EYS: variants seen among roughly 807,000 people sequenced by gnomAD.
The protein encoded by EYS is protein eyes shut homolog.
Under a neutral mutation model 282.1 loss-of-function variants are expected in EYS, and 250 were observed. The observed-to-expected ratio is 0.89, with a 90% confidence interval of 0.80 to 0.98. The LOEUF is 0.98. EYS is among the 50% of genes least tolerant of loss of function. EYS has a pLI of 0.00. For missense variants in EYS, 4,016 were observed against 3,709.0 expected, an observed-to-expected ratio of 1.08 and a Z score of -2.15; for synonymous variants, 1,355 against 1,282.9, an observed-to-expected ratio of 1.06 and a Z score of -1.20.
intron 19 of EYS, among the ~76,000 whole-genome samples, chr6:64,860,778 G>C (rs1766211503): frequency 2.0e-5 from 3 of 152,200 alleles, no homozygotes; most frequent in Admixed American, 1.3e-4. Context: ...GGAAGAAAGA[G>C]GTAGGTAGAC....
At chr6:64,078,602 C>A (rs2149865876) in intron 32 of EYS, among the ~76,000 whole-genome samples, 1 of 152,096 alleles carries the variant, frequency 6.6e-6, no homozygotes, top group Middle Eastern at 3.4e-3. Flanking sequence ...ATATTTTCTC[C>A]CTTCATGGGC....
At chr6:64,017,700 A>G (rs1768962426) in intron 33 of EYS, among the ~76,000 whole-genome samples, 2 of 152,172 alleles carry the variant, frequency 1.3e-5, no homozygotes, top group Non-Finnish European at 2.9e-5. Context: ...GCCCAGTGAC[A>G]ATTCTATCTG....
At chr6:64,787,381 C>T (rs970636166) in intron 22 of EYS, among the ~76,000 whole-genome samples, 1 of 151,998 alleles carries the variant, frequency 6.6e-6, no homozygotes, top group Non-Finnish European at 1.5e-5. Context: ...AGCATTGTTC[C>T]CTTGACTTAT....
At chr6:63,877,325 C>T (rs548439535) in intron 35 of EYS, among the ~76,000 whole-genome samples, 1 of 152,200 alleles carries the variant, frequency 6.6e-6, no homozygotes, top group South Asian at 2.1e-4. Context: ...TGTAGAGTTT[C>T]TGCTGAGTGA....
At chr6:65,634,897 G>A (rs1456684378) in intron 2 of EYS, among the ~76,000 whole-genome samples, 1 of 152,060 alleles carries the variant, frequency 6.6e-6, no homozygotes, top group Admixed American at 6.5e-5. Context: ...GATAAATTGT[G>A]CCCAACATTA....
At chr6:64,245,078 T>C (rs1766969009) in intron 30 of EYS, among the ~76,000 whole-genome samples, 1 of 150,138 alleles carries the variant, frequency 6.7e-6, no homozygotes, top group Admixed American at 6.7e-5. Flanking sequence ...ACATGCAGTG[T>C]TGGGTTTTCT....
intron 35 of EYS, among the ~76,000 whole-genome samples, chr6:63,947,015 A>G (rs1354066286): frequency 7.9e-5 from 12 of 152,134 alleles, no homozygotes; most frequent in Non-Finnish European, 1.5e-5. Flanking sequence ...CTGTGGTGGA[A>G]TACCAAATAT....
chr6:64,239,870 G>C (rs1028429953), intron 30 of EYS, among the ~76,000 whole-genome samples: 5 of 152,062 alleles, frequency 3.3e-5, no homozygotes, highest in African/African-American at 1.2e-4. Flanking sequence ...TTTTCTTCTA[G>C]GGTTTTTATG....
intron 22 of EYS, among the ~76,000 whole-genome samples, chr6:64,646,148 G>A (rs1768341480): frequency 6.6e-6 from 1 of 152,152 alleles, no homozygotes; most frequent in South Asian, 2.1e-4. Flanking sequence ...AAACCGGCAG[G>A]GGCTACAAGG....
At chr6:64,271,392 T>C in intron 30 of EYS, among the ~76,000 whole-genome samples, 1 of 152,210 alleles carries the variant, frequency 6.6e-6, no homozygotes, top group South Asian at 2.1e-4. Flanking sequence ...GTTACAAATA[T>C]GTCCTACCAA....
At chr6:64,564,912 G>C (rs1255674692) in intron 26 of EYS, among the ~76,000 whole-genome samples, 1 of 152,096 alleles carries the variant, frequency 6.6e-6, no homozygotes, top group African/African-American at 2.4e-5. Flanking sequence ...TGGTTTTGAT[G>C]TATACTACCT....
Position 64,555,335 on chromosome 6 carries a change from GT to G in EYS, c.5644+34887del, listed in dbSNP as rs550333652. Among the ~76,000 whole-genome samples the G allele has an allele frequency of 5.9e-5, 9 of 151,830 alleles. No homozygotes were observed. The South Asian group carries it at 1.9e-3, about 32-fold the overall frequency. The stretch of plus-strand genomic sequence containing the variant: ...TGAAGGGGTAGAGAGGAGAAAGGTG[GT>G]TATCAGGGAATTAATGGGGGGGTAG... On this transcript the variant is annotated intron_variant, in intron 26 of 42. Coordinates refer to ENST00000503581, the MANE Select transcript of EYS (RefSeq NM_001142800.2).
At chr6:64,154,076 T>C (rs143095734) in intron 31 of EYS, among the ~76,000 whole-genome samples, 1 of 152,198 alleles carries the variant, frequency 6.6e-6, no homozygotes, top group Non-Finnish European at 1.5e-5. Context: ...TGAAATAGTA[T>C]AATAACTTAT....
At position 64,591,476 on chromosome 6, in the gene EYS, C is replaced by A; in HGVS notation, c.4391G>T (p.Gly1464Val). The change falls in exon 26 of 43, where the codon GGG (glycine) becomes GTG (valine). Residue 1464 changes from glycine (G) to valine (V), a missense_variant. Gly to Val is a moderately radical substitution (Grantham distance 109). Transcript: ENST00000503581. Reference sequence around the variant, plus strand: ...ATATTCTTCAATATCCTCTTGAGCCCCCCTAGAGACAACTGGAGTTGCACT... The same window carrying A: ...ATATTCTTCAATATCCTCTTGAGCCACCCTAGAGACAACTGGAGTTGCACT... ...SISATPVVSRGAQEDIEEYSA... is the reference protein window; with the variant it reads ...SISATPVVSRVAQEDIEEYSA... 1 of 1,551,288 alleles carries A rather than the reference C, an allele frequency of 6.4e-7. No homozygotes were observed. Among genetic ancestry groups the A allele is most frequent in the Non-Finnish European group, 8.7e-7 (1 of 1,146,770 alleles).
At chr6:64,301,388 A>G (rs561921823) in intron 30 of EYS, among the ~76,000 whole-genome samples, 1 of 152,312 alleles carries the variant, frequency 6.6e-6, no homozygotes, top group Non-Finnish European at 1.5e-5. Flanking sequence ...CACAGGCAAC[A>G]AGATTGCATA....
chr6:64,543,792 A>G (rs1764761188), intron 26 of EYS, among the ~76,000 whole-genome samples: 1 of 152,176 alleles, frequency 6.6e-6, no homozygotes, highest in South Asian at 2.1e-4. Context: ...GAGAATAATA[A>G]CAGGCATATC....
At chr6:65,415,094 A>C (rs961968994) in intron 5 of EYS, among the ~76,000 whole-genome samples, 4 of 152,182 alleles carry the variant, frequency 2.6e-5, no homozygotes, top group Admixed American at 6.6e-5. Context: ...GACTGAATTA[A>C]TTAAAGATTA....
chr6:64,742,968 G>A (rs952878066), intron 22 of EYS, among the ~76,000 whole-genome samples: 2 of 152,100 alleles, frequency 1.3e-5, no homozygotes, highest in East Asian at 1.9e-4. Context: ...AGTGAATACG[G>A]AAGACTTAAG....
At chr6:64,846,454 T>A (rs1391543219) in intron 19 of EYS, among the ~76,000 whole-genome samples, 1 of 152,036 alleles carries the variant, frequency 6.6e-6, no homozygotes, top group East Asian at 1.9e-4. Context: ...GTTAGATAAT[T>A]TGAGTTTAGA....
Sources: allele counts gnomAD v4.1 joint callset (sites outside exome capture counted in the v4.1 genomes callset), GRCh38; gene constraint gnomAD v4.1.1; transcripts MANE v1.5; gene names NCBI Gene and HGNC (gene_info 2026-07-23, HGNC 2026-07-21).